Variants in ASCC3 observed in about 807,000 individuals in gnomAD.
ASCC3 encodes the protein activating signal cointegrator 1 complex subunit 3, also known as ASC-1 complex subunit P200.
ASCC3 carries 158 observed loss-of-function variants against 256.3 expected under a neutral mutation model. That is an observed-to-expected ratio of 0.62 (90% CI 0.54 to 0.70). The LOEUF is 0.70. Among genes scored for constraint, ASCC3 ranks in the 30% least tolerant of loss-of-function variants. The pLI, the probability that ASCC3 is intolerant of heterozygous loss-of-function variation, is 0.00. For missense variants in ASCC3, 2,259 were observed against 2,626.0 expected, an observed-to-expected ratio of 0.86 and a Z score of 3.05; for synonymous variants, 948 against 883.4, an observed-to-expected ratio of 1.07 and a Z score of -1.30.
intron 3 of ASCC3, among the ~76,000 whole-genome samples, chr6:100,851,838 T>C (rs193281788): frequency 6.6e-6 from 1 of 152,316 alleles, no homozygotes; most frequent in Admixed American, 6.5e-5. Context: ...GACTACGGCA[T>C]TCTGAAAACA....
intron 16 of ASCC3, among the ~76,000 whole-genome samples, chr6:100,657,408 A>T (rs1044882246): frequency 8.6e-5 from 13 of 151,460 alleles, no homozygotes; most frequent in Non-Finnish European, 1.9e-4. Flanking sequence ...TTTCTAGTCT[A>T]CTTAGGTAAA....
intron 4 of ASCC3, among the ~76,000 whole-genome samples, chr6:100,822,703 C>T (rs561335864): frequency 6.6e-6 from 1 of 152,190 alleles, no homozygotes; most frequent in Non-Finnish European, 1.5e-5. Context: ...TACATAGTTA[C>T]TTTCTCCCAC....
At chr6:100,798,670 A>G in intron 8 of ASCC3, 43 bp downstream of exon 8, 2 of 1,608,964 alleles carry the variant, frequency 1.2e-6, no homozygotes, top group Non-Finnish European at 1.7e-6. Flanking sequence ...CATACCGCAT[A>G]CCAAGCCTCA....
At chr6:100,806,491 A>G (rs971157910) in intron 4 of ASCC3, among the ~76,000 whole-genome samples, 1 of 151,988 alleles carries the variant, frequency 6.6e-6, no homozygotes, top group African/African-American at 2.4e-5. Flanking sequence ...AACCAGTGTT[A>G]GGATTCAGAG....
chr6:100,658,355 C>T (rs1313048478), intron 16 of ASCC3, among the ~76,000 whole-genome samples: 1 of 151,206 alleles, frequency 6.6e-6, no homozygotes, highest in African/African-American at 2.4e-5. Context: ...TTAAGGTTAT[C>T]TCAATTGTTT....
At chr6:100,574,889 A>C (rs1463919733) in intron 36 of ASCC3, among the ~76,000 whole-genome samples, 1 of 152,144 alleles carries the variant, frequency 6.6e-6, no homozygotes, top group Non-Finnish European at 1.5e-5. Flanking sequence ...GAAAGTTAGA[A>C]GTTAAGAAAT....
At chr6:100,742,063 T>C (rs1446773369) in intron 10 of ASCC3, among the ~76,000 whole-genome samples, 2 of 152,260 alleles carry the variant, frequency 1.3e-5, no homozygotes, top group East Asian at 1.9e-4. Context: ...CTTTTGTCAA[T>C]GCTGATATTG....
intron 8 of ASCC3, among the ~76,000 whole-genome samples, chr6:100,769,450 C>T (rs1192954262): frequency 6.6e-6 from 1 of 151,682 alleles, no homozygotes. Flanking sequence ...GCAGAATATA[C>T]ATGCATTAAC....
intron 30 of ASCC3, among the ~76,000 whole-genome samples, chr6:100,609,052 G>A (rs371559470): frequency 9.9e-5 from 15 of 151,190 alleles, no homozygotes; most frequent in East Asian, 5.9e-4. Flanking sequence ...GTGAGCCACC[G>A]CGCCTGGCCT....
At chr6:100,676,698 G>A (rs1777025953) in intron 14 of ASCC3, among the ~76,000 whole-genome samples, 1 of 152,180 alleles carries the variant, frequency 6.6e-6, no homozygotes, top group East Asian at 1.9e-4. Context: ...TTGCAGCTAA[G>A]GCATAGAAAT....
chr6:100,571,149 A>G (rs1486259267), intron 36 of ASCC3, among the ~76,000 whole-genome samples: 2 of 152,118 alleles, frequency 1.3e-5, no homozygotes. Flanking sequence ...CTCTCAGTGT[A>G]CACTCCACTT....
chr6:100,517,843 T>C, intron 38 of ASCC3, 148 bp downstream of exon 38: 1 of 848,900 alleles, frequency 1.2e-6, no homozygotes, highest in Non-Finnish European at 1.8e-6. Flanking sequence ...GTTACGTCAC[T>C]TGGCCATGTC....
intron 10 of ASCC3, among the ~76,000 whole-genome samples, chr6:100,742,083 GT>G (rs931201583): frequency 4.0e-5 from 6 of 151,548 alleles, no homozygotes; most frequent in African/African-American, 1.5e-4. Context: ...GCTGTTTTCT[GT>G]TTGTTTTTCT....
chr6:100,726,226 C>T (rs201368613), intron 10 of ASCC3, among the ~76,000 whole-genome samples: 2 of 151,746 alleles, frequency 1.3e-5, no homozygotes, highest in African/African-American at 2.4e-5. Context: ...GAAAAACATG[C>T]CCATATGTTG....
At chr6:100,519,890 G>A (rs1042446154) in intron 37 of ASCC3, among the ~76,000 whole-genome samples, 2 of 152,046 alleles carry the variant, frequency 1.3e-5, no homozygotes, top group Non-Finnish European at 2.9e-5. Flanking sequence ...CTACTTATAT[G>A]AAATAAATTA....
chr6:100,881,148 C>T lies in ASCC3; in HGVS notation c.-129G>A, dbSNP rs989300897. On this transcript the variant is annotated 5_prime_UTR_variant, in exon 1 of 42. It adds an upstream start codon to the 5' untranslated region. Coordinates refer to ENST00000369162, the MANE Select transcript of ASCC3 (RefSeq NM_006828.4). ...CTTTCGGTTTTACTTTAACTTCCCA[C>T]GCCGGGTGAGGAGCTGAGCGCAGGG... 6.6e-6 allele frequency: 1 copy of T among 152,336 alleles called. No individual in the cohort carries two copies. The highest frequency in any genetic ancestry group is 2.4e-5 in the African/African-American group (1 of 41,468). The allele number at this position is 152,336 out of a possible 1,614,324, so 9.4% of individuals were successfully genotyped here.
chr6:100,728,973 A>G (rs942505127), intron 10 of ASCC3, among the ~76,000 whole-genome samples: 1 of 152,198 alleles, frequency 6.6e-6, no homozygotes, highest in Non-Finnish European at 1.5e-5. Context: ...AAGGCAGTGA[A>G]GAGAAAGCAC....
At chr6:100,868,103 A>T (rs954115923) in intron 1 of ASCC3, 65 bp from the exon 2 acceptor site, 1 of 903,534 alleles carries the variant, frequency 1.1e-6, no homozygotes, top group Non-Finnish European at 1.8e-6. Context: ...AAACTCAACA[A>T]ATTAGCTTGT....
intron 37 of ASCC3, among the ~76,000 whole-genome samples, chr6:100,528,300 A>G (rs925299638): frequency 2.6e-5 from 4 of 152,230 alleles, no homozygotes; most frequent in African/African-American, 9.6e-5. Context: ...TAAGAGGTCA[A>G]ATTATTGAAG....
Sources: allele counts gnomAD v4.1 joint callset (sites outside exome capture counted in the v4.1 genomes callset), GRCh38; gene constraint gnomAD v4.1.1; transcripts MANE v1.5; gene names NCBI Gene and HGNC (gene_info 2026-07-23, HGNC 2026-07-21).